KIAA0232: variants seen among roughly 807,000 people sequenced by gnomAD.
KIAA0232 encodes KIAA0232.
KIAA0232 carries 27 observed loss-of-function variants against 122.0 expected under a neutral mutation model. That is an observed-to-expected ratio of 0.22 (90% CI 0.16 to 0.31). The LOEUF is 0.31. KIAA0232 is among the 10% of genes least tolerant of loss of function. KIAA0232 has a pLI of 1.00. For missense variants in KIAA0232, 1,551 were observed against 1,634.2 expected (o/e 0.95, Z 0.88); for synonymous variants, 613 against 587.6 (o/e 1.04, Z -0.63).
Position 6,863,002 on chromosome 4 carries a change from C to A in KIAA0232, c.2620C>A (p.Pro874Thr). 6.2e-7 allele frequency: 1 copy of A among 1,614,166 alleles called. No homozygotes were observed. The highest frequency in any genetic ancestry group is 8.5e-7 in the Non-Finnish European group (1 of 1,180,028). ...AEAELETLQE[P>T]DKAVRRSEYH... ...AGCTGAACTGGAGACCCTTCAGGAGCCTGATAAGGCTGTGCGGAGGTCAGA... is the reference window on the plus strand; with the variant it reads ...AGCTGAACTGGAGACCCTTCAGGAGACTGATAAGGCTGTGCGGAGGTCAGA... The change falls in exon 7 of 10, where the codon CCT (proline) becomes ACT (threonine). Residue 874 changes from proline (P) to threonine (T), a missense_variant. By Grantham distance (38) the Pro-to-Thr change is conservative (BLOSUM62 -1). Around this residue, in one of 5 missense-constraint regions of KIAA0232, gnomAD observed 1,108 missense variants for 1,154.8 expected, o/e 0.96. Coordinates refer to ENST00000307659, the MANE Select transcript of KIAA0232 (RefSeq NM_014743.3).
At chr4:6,825,951 G>A (rs963569465) in intron 3 of KIAA0232, among the ~76,000 whole-genome samples, 1 of 152,092 alleles carries the variant, frequency 6.6e-6, no homozygotes, top group African/African-American at 2.4e-5. Context: ...ATTTCACCAA[G>A]ATGCTTAACT....
At chr4:6,833,182 G>T (rs549287494) in intron 3 of KIAA0232, among the ~76,000 whole-genome samples, 1 of 152,122 alleles carries the variant, frequency 6.6e-6, no homozygotes, top group Non-Finnish European at 1.5e-5. Flanking sequence ...ACCATAAAGC[G>T]CTCCTCGTGT....
At position 6,858,464 on chromosome 4, in the gene KIAA0232, C is replaced by A. The variant is rs926857823; in HGVS notation, c.476C>A (p.Pro159Gln). 1 of 1,608,358 alleles carries A rather than the reference C, an allele frequency of 6.2e-7. No homozygotes were observed. Among genetic ancestry groups the A allele is most frequent in the Non-Finnish European group, 8.5e-7 (1 of 1,177,590 alleles). The change falls in exon 6 of 10, where the codon CCA (proline) becomes CAA (glutamine). Residue 159 changes from proline to glutamine, a missense_variant. Physicochemically the swap from Pro to Gln is moderately conservative, Grantham distance 76. Transcript: ENST00000307659. ...AAAAAGTTAGAGGGGTCTCCCTCTC[C>A]AGAGGCAGAATTATCCCCTCCAGCA... ...IHKKLEGSPS[P>Q]EAELSPPAKD...
intron 4 of KIAA0232, among the ~76,000 whole-genome samples, chr4:6,844,946 G>A (rs1168829710): frequency 6.6e-6 from 1 of 152,226 alleles, no homozygotes; most frequent in Non-Finnish European, 1.5e-5. Context: ...CCTCACGAGA[G>A]ACCTGAACTG....
At chr4:6,858,978 A>G (rs905003798) in intron 6 of KIAA0232, among the ~76,000 whole-genome samples, 4 of 152,148 alleles carry the variant, frequency 2.6e-5, no homozygotes, top group South Asian at 2.1e-4. Flanking sequence ...CATGCCTGTA[A>G]TCCCAGCTAC....
intron 3 of KIAA0232, among the ~76,000 whole-genome samples, chr4:6,834,658 C>T (rs1719170946): frequency 6.6e-6 from 1 of 152,086 alleles, no homozygotes; most frequent in Non-Finnish European, 1.5e-5. Flanking sequence ...ACAATTGGGT[C>T]CCTTGAAAAG....
intron 3 of KIAA0232, among the ~76,000 whole-genome samples, chr4:6,839,680 G>C (rs1719541242): frequency 6.6e-6 from 1 of 152,192 alleles, no homozygotes; most frequent in Non-Finnish European, 1.5e-5. Flanking sequence ...TCGAAGGTCA[G>C]AGTGGGGCAG....
At chr4:6,792,838 C>T (rs1324711061) in intron 1 of KIAA0232, among the ~76,000 whole-genome samples, 1 of 151,926 alleles carries the variant, frequency 6.6e-6, no homozygotes, top group Non-Finnish European at 1.5e-5. Flanking sequence ...CACAGGTGCC[C>T]ACCACCACGC....
intron 4 of KIAA0232, 54 bp from the exon 5 acceptor site, chr4:6,857,110 C>A: frequency 7.6e-7 from 1 of 1,319,206 alleles, no homozygotes; most frequent in Non-Finnish European, 1.0e-6. Context: ...TATACAAATA[C>A]CTGATTTGTA....
At position 6,855,886 on chromosome 4, in the gene KIAA0232, C is replaced by T; in HGVS notation, c.370-1278C>T. On this transcript the variant is annotated intron_variant, in intron 4 of 9. Coordinates refer to ENST00000307659, the MANE Select transcript of KIAA0232 (RefSeq NM_014743.3). The surrounding 1 kb of genome is among the most constrained non-coding windows in gnomAD (Gnocchi z 4.3). The stretch of plus-strand genomic sequence containing the variant: ...AATATAATTGCCGTCCTTGTCACAC[C>T]TTGAGCATTATGGTAAGCAGGTGCT... 1.0e-6 allele frequency: 1 copy of T among 984,734 alleles called. No homozygotes were observed. The highest frequency in any genetic ancestry group is 6.1e-5 in the Admixed American group (1 of 16,282). 61.0% of individuals were successfully genotyped at this position (984,734 alleles called of 1,614,324 possible).
At chr4:6,844,942 G>C (rs551851271) in intron 4 of KIAA0232, among the ~76,000 whole-genome samples, 3 of 152,318 alleles carry the variant, frequency 2.0e-5, no homozygotes, top group Admixed American at 6.5e-5. Context: ...GCAGCCTCAC[G>C]AGAGACCTGA....
intron 8 of KIAA0232, among the ~76,000 whole-genome samples, chr4:6,873,616 C>T (rs1380982060): frequency 6.6e-6 from 1 of 151,870 alleles, no homozygotes; most frequent in Non-Finnish European, 1.5e-5. Flanking sequence ...AGTTTTCTGT[C>T]ATTAGTTAGT....
intron 1 of KIAA0232, among the ~76,000 whole-genome samples, chr4:6,794,848 G>A (rs1236454773): frequency 1.3e-5 from 2 of 152,160 alleles, no homozygotes; most frequent in African/African-American, 4.8e-5. Context: ...TGAGAATTCA[G>A]GGTTGTGTTG....
chr4:6,794,682 G>C (rs748316251), intron 1 of KIAA0232, among the ~76,000 whole-genome samples: 1 of 152,162 alleles, frequency 6.6e-6, no homozygotes, highest in Non-Finnish European at 1.5e-5. Context: ...AGGGGTAGAG[G>C]AGAGCAAGTG....
intron 4 of KIAA0232, among the ~76,000 whole-genome samples, chr4:6,849,114 G>A (rs1454417275): frequency 6.6e-6 from 1 of 152,234 alleles, no homozygotes; most frequent in South Asian, 2.1e-4. Context: ...GCTGCACTGA[G>A]ACTAACTAAA....
chr4:6,867,142 TAC>T (rs1272860383), intron 7 of KIAA0232, among the ~76,000 whole-genome samples: 1 of 152,250 alleles, frequency 6.6e-6, no homozygotes, highest in African/African-American at 2.4e-5. Context: ...CGTATGGATA[TAC>T]CGTAATCTAC....
chr4:6,789,267 G>C (rs971475469), intron 1 of KIAA0232, among the ~76,000 whole-genome samples: 29 of 151,174 alleles, frequency 1.9e-4, no homozygotes, highest in Non-Finnish European at 4.0e-4. Flanking sequence ...CACCATGCCC[G>C]GCCTTTTCTT....
chr4:6,858,391 A>C (rs781642144), intron 5 of KIAA0232, 34 bp from the exon 6 acceptor site: 1 of 1,329,260 alleles, frequency 7.5e-7, no homozygotes, highest in African/African-American at 1.5e-5. Context: ...ACTAGATATA[A>C]GACAAATCTT....
chr4:6,852,532 T>C (rs1014173303), intron 4 of KIAA0232, among the ~76,000 whole-genome samples: 2 of 152,202 alleles, frequency 1.3e-5, no homozygotes, highest in East Asian at 1.9e-4. Flanking sequence ...CTTCCAACTC[T>C]GCTTTAAAGC....
Sources: gnomAD v4.1 joint callset for allele counts (sites outside exome capture counted in the v4.1 genomes callset) on GRCh38, gnomAD v4.1.1 for gene constraint, gnomAD v4.1.1 regional missense constraint, Gnocchi (gnomAD v3.1) non-coding constraint, MANE v1.5 for transcripts, NCBI Gene and HGNC (gene_info 2026-07-23, HGNC 2026-07-21) for gene names.